Variants in NAPEPLD observed in about 807,000 individuals in gnomAD.
The protein encoded by NAPEPLD is N-acyl phosphatidylethanolamine phospholipase D, also known as N-acyl-phosphatidylethanolamine-hydrolyzing phospholipase D.
In NAPEPLD, 23 loss-of-function variants were observed where a neutral mutation model predicts 38.1. That is an observed-to-expected ratio of 0.60 (90% CI 0.43 to 0.86). The LOEUF is 0.86. Among genes scored for constraint, NAPEPLD ranks in the 40% least tolerant of loss-of-function variants. NAPEPLD has a pLI of 0.00. For missense variants in NAPEPLD, 411 were observed against 476.8 expected (o/e 0.86, Z 1.28); for synonymous variants, 147 against 162.0 (o/e 0.91, Z 0.71).
chr7:103,117,825 T>C (rs890201257), intron 3 of NAPEPLD, among the ~76,000 whole-genome samples: 3 of 152,214 alleles, frequency 2.0e-5, no homozygotes, highest in African/African-American at 7.2e-5. Flanking sequence ...ATGTGACAAA[T>C]TTATATATTA....
At chr7:103,130,694 C>T (rs1016683191) in intron 1 of NAPEPLD, among the ~76,000 whole-genome samples, 14 of 152,224 alleles carry the variant, frequency 9.2e-5, no homozygotes, top group African/African-American at 2.9e-4. Context: ...TCCCGGGGCT[C>T]AGGGTATTCT....
intron 1 of NAPEPLD, among the ~76,000 whole-genome samples, chr7:103,140,709 T>C (rs1393830645): frequency 6.6e-6 from 1 of 152,146 alleles, no homozygotes; most frequent in Non-Finnish European, 1.5e-5. Context: ...TAGTTCCTTG[T>C]GGCCTCACTA....
intron 1 of NAPEPLD, among the ~76,000 whole-genome samples, chr7:103,135,795 A>G (rs879593989): frequency 6.6e-6 from 1 of 152,154 alleles, no homozygotes; most frequent in Non-Finnish European, 1.5e-5. Context: ...AGTGGAAAGA[A>G]CACTAGTTAG....
chr7:103,112,403 C>T (rs1242525176), intron 4 of NAPEPLD, among the ~76,000 whole-genome samples: 1 of 152,154 alleles, frequency 6.6e-6, no homozygotes, highest in Non-Finnish European at 1.5e-5. Context: ...CACATATACA[C>T]CATGGAATAC....
chr7:103,131,054 G>A (rs1013874300), intron 1 of NAPEPLD, among the ~76,000 whole-genome samples: 5 of 152,128 alleles, frequency 3.3e-5, no homozygotes, highest in African/African-American at 7.2e-5. Context: ...AGTTTAGAGA[G>A]TTTAAGTTAC....
At chr7:103,128,090 CT>C in intron 2 of NAPEPLD, 1 of 187,194 alleles carries the variant, frequency 5.3e-6, no homozygotes, top group Non-Finnish European at 1.1e-5. Context: ...AGGCTACTAC[CT>C]TCCAGAGCAG....
intron 1 of NAPEPLD, among the ~76,000 whole-genome samples, chr7:103,134,298 T>C (rs1399710680): frequency 1.3e-5 from 2 of 152,184 alleles, no homozygotes; most frequent in Non-Finnish European, 2.9e-5. Flanking sequence ...AAAACTAGAA[T>C]CCAGAAGAAA....
At chr7:103,134,453 C>A (rs531815693) in intron 1 of NAPEPLD, among the ~76,000 whole-genome samples, 49 of 152,186 alleles carry the variant, frequency 3.2e-4, no homozygotes, top group Non-Finnish European at 1.2e-4. Context: ...AGTTCGAGAC[C>A]AGCCTGGCCA....
chr7:103,146,759 C>T (rs1441145093), intron 1 of NAPEPLD, among the ~76,000 whole-genome samples: 1 of 152,156 alleles, frequency 6.6e-6, no homozygotes, highest in Non-Finnish European at 1.5e-5. Context: ...ACTTTCGCTT[C>T]ATTGGAACCC....
chr7:103,123,783 A>T (rs779323007), intron 2 of NAPEPLD, among the ~76,000 whole-genome samples: 2 of 152,182 alleles, frequency 1.3e-5, no homozygotes. Context: ...CCTCTCATTA[A>T]ATCTCATTTA....
Position 103,102,657 on chromosome 7 carries a change from CCT to C in NAPEPLD, c.*770_*771del, listed in dbSNP as rs1333373085. Reference sequence around the variant, plus strand: ...AGACGTGCAATAGAATATACTGTTCCCTCTCATCTGAAGGCTCTAGGAAAAAA... The same window carrying C: ...AGACGTGCAATAGAATATACTGTTCCCTCATCTGAAGGCTCTAGGAAAAAA... On this transcript the variant is annotated 3_prime_UTR_variant, in exon 5 of 5. Coordinates refer to ENST00000465647, the MANE Select transcript of NAPEPLD (RefSeq NM_001122838.3). The C allele has an allele frequency of 1.3e-5, 2 of 152,024 alleles. No homozygotes were observed. The highest frequency in any genetic ancestry group is 4.8e-5 in the African/African-American group (2 of 41,380). 9.4% of individuals were successfully genotyped at this position (152,024 alleles called of 1,614,324 possible).
chr7:103,138,073 G>A (rs1184175914), intron 1 of NAPEPLD, among the ~76,000 whole-genome samples: 1 of 151,594 alleles, frequency 6.6e-6, no homozygotes, highest in Non-Finnish European at 1.5e-5. Flanking sequence ...CATCTCCCAG[G>A]TTCAACCGAT....
intron 1 of NAPEPLD, among the ~76,000 whole-genome samples, chr7:103,135,602 T>C (rs1270446279): frequency 6.6e-6 from 1 of 152,200 alleles, no homozygotes; most frequent in Non-Finnish European, 1.5e-5. Flanking sequence ...CAACCAGTTT[T>C]GCTAAGAAGC....
At chr7:103,122,896 TAA>T (rs1322683036) in intron 2 of NAPEPLD, among the ~76,000 whole-genome samples, 1 of 152,188 alleles carries the variant, frequency 6.6e-6, no homozygotes, top group Admixed American at 6.5e-5. Flanking sequence ...AGGTATAACT[TAA>T]GTCTCCTCTG....
Position 103,132,624 on chromosome 7 carries a change from A to AAAAAAT in NAPEPLD, c.-16-3838_-16-3833dup, listed in dbSNP as rs989609125. Among the ~76,000 whole-genome samples the AAAAAAT allele has an allele frequency of 5.3e-5, 8 of 151,970 alleles. No homozygotes were observed. The South Asian group carries it at 1.7e-3, about 32-fold the overall frequency. ...GTAAAAATAAATAAATAAATAAAAT[A>AAAAAAT]AAAAATAAAAATAAAAATAAATAAA... On this transcript the variant is annotated intron_variant, in intron 1 of 4. Transcript: ENST00000465647.
chr7:103,149,341 C>T (rs1314256481), upstream of NAPEPLD: 2 of 1,150,696 alleles, frequency 1.7e-6, no homozygotes, highest in South Asian at 3.2e-5. Context: ...GCCACAGAGT[C>T]CCCGCGCAAA....
chr7:103,141,612 G>T, intron 1 of NAPEPLD: 2 of 916,598 alleles, frequency 2.2e-6, no homozygotes, highest in Non-Finnish European at 3.7e-6. Flanking sequence ...TTAGATTCAC[G>T]GTATCTTCTG....
chr7:103,135,252 C>A (rs1017330314), intron 1 of NAPEPLD, among the ~76,000 whole-genome samples: 6 of 152,172 alleles, frequency 3.9e-5, no homozygotes, highest in Admixed American at 3.9e-4. Flanking sequence ...CTCTCCTTAT[C>A]CTTATTGAAG....
chr7:103,131,179 G>GTA (rs1038011551), intron 1 of NAPEPLD, among the ~76,000 whole-genome samples: 3 of 151,764 alleles, frequency 2.0e-5, no homozygotes, highest in East Asian at 1.9e-4. Context: ...ACATATGTAT[G>GTA]TATATATATA....
Sources: allele counts gnomAD v4.1 joint callset (sites outside exome capture counted in the v4.1 genomes callset), GRCh38; gene constraint gnomAD v4.1.1; transcripts MANE v1.5; gene names NCBI Gene and HGNC (gene_info 2026-07-23, HGNC 2026-07-21).